Variants in ARID5A observed in about 807,000 individuals in gnomAD.
The protein encoded by ARID5A is AT-rich interaction domain 5A.
A neutral mutation model predicts 30.5 loss-of-function variants in ARID5A; 14 were observed. That is an observed-to-expected ratio of 0.46 (90% CI 0.30 to 0.72). ARID5A has a LOEUF of 0.72. Among genes scored for constraint, ARID5A ranks in the 30% least tolerant of loss-of-function variants. ARID5A has a pLI of 0.07. For missense variants in ARID5A, 669 were observed against 786.2 expected, an observed-to-expected ratio of 0.85 and a Z score of 1.78; for synonymous variants, 338 against 340.4, an observed-to-expected ratio of 0.99 and a Z score of 0.08.
At chr2:96,544,549 T>G (rs2065894933) in intron 1 of ARID5A, among the ~76,000 whole-genome samples, 1 of 152,230 alleles carries the variant, frequency 6.6e-6, no homozygotes, top group Non-Finnish European at 1.5e-5. Flanking sequence ...CACATCTGTT[T>G]ATAACATGGT....
In ARID5A at chr2:96,537,872, T is replaced by C. The variant is rs2065769342; in HGVS notation, c.4+1042T>C. 7 of 985,318 alleles carry C rather than the reference T, an allele frequency of 7.1e-6. No homozygotes were observed. Among genetic ancestry groups the C allele is most frequent in the African/African-American group, 1.7e-5 (1 of 57,196 alleles). The allele number at this position is 985,318 out of a possible 1,614,324, so 61.0% of individuals were successfully genotyped here. ...CGCTGCGGGTCCAGTGTCCCTTTGT[T>C]TGCAGAGTCTTGGGCCAGTAAGGAG... On this transcript the variant is annotated intron_variant, in intron 1 of 6. Coordinates refer to ENST00000357485, the MANE Select transcript of ARID5A (RefSeq NM_212481.3). The surrounding 1 kb of genome is among the most constrained non-coding windows in gnomAD (Gnocchi z 4.8).
chr2:96,551,481 TGCAGGCCCCAGGTGGCA>T lies in ARID5A; in HGVS notation c.956_972del (p.Gln319ProfsTer41). 1 of 1,589,616 alleles carries T rather than the reference TGCAGGCCCCAGGTGGCA, an allele frequency of 6.3e-7. No individual in the cohort carries two copies. The highest frequency in any genetic ancestry group is 8.6e-7 in the Non-Finnish European group (1 of 1,168,086). On this transcript the variant is annotated frameshift_variant, in exon 7 of 7. Transcript: ENST00000357485. LOFTEE classifies it low-confidence loss of function (END_TRUNC). ...CACCGGCTGACCCCTCAGGAGGGAT[TGCAGGCCCCAGGTGGCA>T]GCCTCAGAGAGGAGGCGCAGGCAGG...
chr2:96,550,428 G>GGCCACCCTGTCCCTTGCCTCTTGTAGC lies in ARID5A; in HGVS notation c.410+143_410+144insGCCACCCTGTCCCTTGCCTCTTGTAGC. 7.0e-7 allele frequency: 1 copy of GGCCACCCTGTCCCTTGCCTCTTGTAGC among 1,433,576 alleles called. No individual in the cohort carries two copies. The highest frequency in any genetic ancestry group is 1.5e-5 in the South Asian group (1 of 68,058). The allele number at this position is 1,433,576 out of a possible 1,614,324, so 88.8% of individuals were successfully genotyped here. A position where few individuals can be genotyped will look rare whatever the true frequency, so the allele number is the denominator to read the frequency against. ...AGCTGCGGGAGCCCAGGCTGGCTGG[G>GGCCACCCTGTCCCTTGCCTCTTGTAGC]CGCACTCACTGAGGGAGCTGAAGCT... On this transcript the variant is annotated intron_variant, in intron 5 of 6. Coordinates refer to ENST00000357485, the MANE Select transcript of ARID5A (RefSeq NM_212481.3). This position sits in a 1 kb window ranked among gnomAD's most constrained non-coding sequence, Gnocchi z 6.6.
chr2:96,551,932 G>T lies in ARID5A; in HGVS notation c.1404G>T (p.Glu468Asp). ...GGGCCGTGTCTCCCTTTCTTAAGGA[G>T]GCGGATGCCAAGAAGTGTGGGGCCA... ...RLRAVSPFLK[E>D]ADAKKCGAKP... Residue 468 changes from glutamate (E) to aspartate (D), a missense_variant, in exon 7 of 7, where the codon GAG (glutamate) becomes GAT (aspartate). This residue lies in a region of ARID5A where 548 missense variants were observed against 577.4 expected (regional missense o/e 0.95). Transcript: ENST00000357485. 5 of 1,524,082 alleles carry T rather than the reference G, an allele frequency of 3.3e-6. No individual in the cohort carries two copies. In the South Asian group the frequency reaches 5.2e-5, roughly 16 times the overall value. 94.4% of individuals were successfully genotyped at this position (1,524,082 alleles called of 1,614,324 possible).
chr2:96,550,517 G>T lies in ARID5A; in HGVS notation c.411-57G>T, dbSNP rs2066015489. On this transcript the variant is annotated intron_variant, in intron 5 of 6. Coordinates refer to ENST00000357485, the MANE Select transcript of ARID5A (RefSeq NM_212481.3). This position sits in a 1 kb window ranked among gnomAD's most constrained non-coding sequence, Gnocchi z 6.6. The stretch of plus-strand genomic sequence containing the variant: ...AAGGGGGCTCAGAGGAGGCTACAGA[G>T]GCCCAGGGAGGGGATGGGCGCCGGC... 1 of 1,534,214 alleles carries T rather than the reference G, an allele frequency of 6.5e-7. No homozygotes were observed. Among genetic ancestry groups the T allele is most frequent in the Non-Finnish European group, 8.8e-7 (1 of 1,138,356 alleles).
Position 96,542,637 on chromosome 2 carries a change from G to T in ARID5A, c.5-4765G>T, listed in dbSNP as rs150840645. On this transcript the variant is annotated intron_variant, in intron 1 of 6. Coordinates refer to ENST00000357485, the MANE Select transcript of ARID5A (RefSeq NM_212481.3). ...ACCTTAAATCAGACTCTGAGGATGGGGCCGGAGCATTATGCTCCTCCAGGT... is the reference window on the plus strand; with the variant it reads ...ACCTTAAATCAGACTCTGAGGATGGTGCCGGAGCATTATGCTCCTCCAGGT... Among the ~76,000 whole-genome samples the T allele has an allele frequency of 5.5e-3, 837 of 152,320 alleles. 11 individuals are homozygous for T. Among genetic ancestry groups the T allele is most frequent in the African/African-American group, 0.019 (787 of 41,544 alleles).
chr2:96,550,459 ACCAGGAGAGGG>A lies in ARID5A; in HGVS notation c.411-112_411-102del. On this transcript the variant is annotated intron_variant, in intron 5 of 6. Transcript: ENST00000357485. The surrounding 1 kb of genome is among the most constrained non-coding windows in gnomAD (Gnocchi z 6.6). ...TCACTGAGGGAGCTGAAGCTTTGGG[ACCAGGAGAGGG>A]CCTTCCTCGGCGCCGGCGGGGAAGG... The A allele has an allele frequency of 6.9e-7, 1 of 1,449,100 alleles. No homozygotes were observed. Among genetic ancestry groups the A allele is most frequent in the Non-Finnish European group, 9.1e-7 (1 of 1,099,720 alleles). 89.8% of individuals were successfully genotyped at this position (1,449,100 alleles called of 1,614,324 possible).
rs1028902201 is a variant in ARID5A, at chr2:96,550,946, C to T, written c.571-153C>T. ...CCCACCAGGCACCTGAGGCTGTGTCCACTCAGAGGACAGGGCACCTTTGGA... is the reference window on the plus strand; with the variant it reads ...CCCACCAGGCACCTGAGGCTGTGTCTACTCAGAGGACAGGGCACCTTTGGA... On this transcript the variant is annotated intron_variant, in intron 6 of 6. Transcript: ENST00000357485. This position sits in a 1 kb window ranked among gnomAD's most constrained non-coding sequence, Gnocchi z 6.6. Among the ~76,000 whole-genome samples, 4 of 152,176 alleles carry T rather than the reference C, an allele frequency of 2.6e-5. No homozygotes were observed. The highest frequency in any genetic ancestry group is 2.6e-4 in the Admixed American group (4 of 15,284).
At chr2:96,540,362 C>T (rs569875631) in intron 1 of ARID5A, among the ~76,000 whole-genome samples, 5 of 152,312 alleles carry the variant, frequency 3.3e-5, no homozygotes, top group African/African-American at 1.2e-4. Context: ...CCCTGCCGCA[C>T]CCCCTCTCTG....
rs1465401929 is a variant in ARID5A, at chr2:96,551,290, C to T, written c.762C>T (p.Ile254=). 1 of 1,613,898 alleles carries T rather than the reference C, an allele frequency of 6.2e-7. No individual in the cohort carries two copies. The highest frequency in any genetic ancestry group is 8.5e-7 in the Non-Finnish European group (1 of 1,180,018). ...TCTACTGCAAGGGGACACACGGCAT[C>T]ATGTCACCACTGGCCAAAAAGAAGC... ...SSFYCKGTHG[I]MSPLAKKKLL... The change falls in exon 7 of 7, where the codon ATC becomes ATT. Residue 254 remains isoleucine (I), a synonymous_variant. Transcript: ENST00000357485.
Position 96,550,375 on chromosome 2 carries a change from G to A in ARID5A, c.410+90G>A. Reference sequence around the variant, plus strand: ...GGGAGGGCCGGGTGGACTCTGCCCGGAGCGGGCAGGGTATGCGCCGTCCTC... The same window carrying A: ...GGGAGGGCCGGGTGGACTCTGCCCGAAGCGGGCAGGGTATGCGCCGTCCTC... On this transcript the variant is annotated intron_variant, in intron 5 of 6. Transcript: ENST00000357485. The surrounding 1 kb of genome is among the most constrained non-coding windows in gnomAD (Gnocchi z 6.6). 3 of 1,427,538 alleles carry A rather than the reference G, an allele frequency of 2.1e-6. No homozygotes were observed. The highest frequency in any genetic ancestry group is 1.5e-5 in the South Asian group (1 of 66,616). The allele number at this position is 1,427,538 out of a possible 1,614,324, so 88.4% of individuals were successfully genotyped here. A position where few individuals can be genotyped will look rare whatever the true frequency, so the allele number is the denominator to read the frequency against.
rs2066049485 is a variant in ARID5A at position 96,551,708 on chromosome 2, A to C, written c.1180A>C (p.Asn394His). Residue 394 changes from asparagine (N) to histidine (H), a missense_variant, in exon 7 of 7, where the codon AAC (asparagine) becomes CAC (histidine). Physicochemically the swap from Asn to His is moderately conservative, Grantham distance 68 (BLOSUM62 1). Around this residue, in one of 4 missense-constraint regions of ARID5A, gnomAD observed 548 missense variants for 577.4 expected, o/e 0.95. Transcript: ENST00000357485. The part of the protein sequence containing the change: ...EPQLVWGGDA[N>H]RPSAFHKGGS... ...CCAGCTGGTGTGGGGCGGAGACGCT[A>C]ACCGCCCTTCTGCGTTCCATAAAGG... 1.3e-6 allele frequency: 2 copies of C among 1,520,020 alleles called. No homozygotes were observed. The highest frequency in any genetic ancestry group is 1.8e-6 in the Non-Finnish European group (2 of 1,136,374). The allele number at this position is 1,520,020 out of a possible 1,614,324, so 94.2% of individuals were successfully genotyped here.
chr2:96,544,018 T>C (rs1167081158), intron 1 of ARID5A, among the ~76,000 whole-genome samples: 1 of 152,142 alleles, frequency 6.6e-6, no homozygotes, highest in African/African-American at 2.4e-5. Flanking sequence ...GGATAGAAGA[T>C]CCAACAAGCC....
In ARID5A at chr2:96,536,802, G is replaced by A. The variant is rs1228466912; in HGVS notation, c.-25G>A. ...AGCCGCGCGCTGAGGGTCTCGGGGC[G>A]GGCGCCGCGGGACCTCTCCGGGCCA... On this transcript the variant is annotated 5_prime_UTR_variant, in exon 1 of 7. Transcript: ENST00000357485. 1.6e-6 allele frequency: 2 copies of A among 1,227,190 alleles called. No individual in the cohort carries two copies. Among genetic ancestry groups the A allele is most frequent in the East Asian group, 3.2e-5 (1 of 31,468 alleles). The allele number at this position is 1,227,190 out of a possible 1,614,324, so 76.0% of individuals were successfully genotyped here.
intron 1 of ARID5A, among the ~76,000 whole-genome samples, chr2:96,545,409 G>C (rs1275837348): frequency 2.0e-5 from 3 of 151,880 alleles, no homozygotes; most frequent in African/African-American, 7.2e-5. Flanking sequence ...CACCCACCTT[G>C]GCCCCCAAAG....
Position 96,540,359 on chromosome 2 carries a change from G to A in ARID5A, c.4+3529G>A, listed in dbSNP as rs199919190. ...CAATCCTCCTGCCCAGCACCCTGCC[G>A]CACCCCCTCTCTGCTTAGTAAGGGA... is the stretch of plus-strand genomic sequence containing the variant. On this transcript the variant is annotated intron_variant, in intron 1 of 6. Transcript: ENST00000357485. Among the ~76,000 whole-genome samples, 82 of 152,240 alleles carry A rather than the reference G, an allele frequency of 5.4e-4. 2 individuals carry two copies. The East Asian group carries it at 0.014, about 25-fold the overall frequency.
At chr2:96,546,774 A>G (rs1022912575) in intron 1 of ARID5A, among the ~76,000 whole-genome samples, 1 of 152,222 alleles carries the variant, frequency 6.6e-6, no homozygotes, top group Admixed American at 6.5e-5. Context: ...ATGCTCAGGG[A>G]AAGGTCAGAT....
chr2:96,544,541 C>T (rs1212685717), intron 1 of ARID5A, among the ~76,000 whole-genome samples: 2 of 152,224 alleles, frequency 1.3e-5, no homozygotes, highest in Admixed American at 6.5e-5. Context: ...GATGACAGCA[C>T]ATCTGTTTAT....
intron 1 of ARID5A, among the ~76,000 whole-genome samples, chr2:96,541,194 C>T (rs972430436): frequency 6.6e-6 from 1 of 151,894 alleles, no homozygotes; most frequent in African/African-American, 2.4e-5. Flanking sequence ...TGCGCCACCA[C>T]CCCCAGCTAA....
Sources: allele counts gnomAD v4.1 joint callset (sites outside exome capture counted in the v4.1 genomes callset), GRCh38; gene constraint gnomAD v4.1.1; regional missense constraint gnomAD v4.1.1; non-coding constraint Gnocchi (gnomAD v3.1); transcripts MANE v1.5; gene names NCBI Gene and HGNC (gene_info 2026-07-23, HGNC 2026-07-21).